Variants in THRB observed in about 807,000 individuals in gnomAD.
The protein encoded by THRB is thyroid hormone receptor beta.
THRB carries 12 observed loss-of-function variants against 47.8 expected under a neutral mutation model. The ratio of observed to expected loss-of-function variants is 0.25; its 90% CI spans 0.16 to 0.41. The LOEUF is 0.41. Among genes scored for constraint, THRB ranks in the 10% least tolerant of loss-of-function variants. The pLI, the probability that THRB is intolerant of heterozygous loss-of-function variation, is 1.00. For missense variants in THRB, 348 were observed against 589.2 expected (o/e 0.59, Z 4.24); for synonymous variants, 218 against 212.2 (o/e 1.03, Z -0.24).
intron 5 of THRB, among the ~76,000 whole-genome samples, chr3:24,180,234 A>C (rs1013286638): frequency 1.3e-5 from 2 of 152,236 alleles, no homozygotes; most frequent in African/African-American, 4.8e-5. Context: ...CCTGAGGCTT[A>C]ACTAAAATAG....
chr3:24,473,823 C>G (rs925426149), intron 1 of THRB, among the ~76,000 whole-genome samples: 2 of 152,150 alleles, frequency 1.3e-5, no homozygotes, highest in Non-Finnish European at 2.9e-5. Context: ...TCATTATCAG[C>G]AAACTATCAC....
chr3:24,469,795 G>A (rs1267735391), intron 1 of THRB, among the ~76,000 whole-genome samples: 1 of 152,196 alleles, frequency 6.6e-6, no homozygotes, highest in African/African-American at 2.4e-5. Context: ...GTAAAGAATG[G>A]AAAACCGTTT....
intron 1 of THRB, among the ~76,000 whole-genome samples, chr3:24,374,789 G>A (rs2065157604): frequency 6.6e-6 from 1 of 152,052 alleles, no homozygotes; most frequent in Admixed American, 6.6e-5. Context: ...GAAAATGCTT[G>A]AATCATGTTG....
At chr3:24,464,919 T>C (rs968469915) in intron 1 of THRB, among the ~76,000 whole-genome samples, 4 of 152,208 alleles carry the variant, frequency 2.6e-5, no homozygotes, top group Admixed American at 2.6e-4. Context: ...TTAAGTTCTG[T>C]ATTTTTTTAA....
chr3:24,351,749 G>A (rs1296196448), intron 1 of THRB, among the ~76,000 whole-genome samples: 2 of 152,156 alleles, frequency 1.3e-5, no homozygotes, highest in African/African-American at 2.4e-5. Flanking sequence ...GGAATGAGAA[G>A]CTTAACACCT....
chr3:24,230,105 GAAA>G (rs1009026788), intron 3 of THRB, among the ~76,000 whole-genome samples: 1 of 152,160 alleles, frequency 6.6e-6, no homozygotes, highest in African/African-American at 2.4e-5. Flanking sequence ...GGTTGGAGAA[GAAA>G]AAGAACGAGG....
chr3:24,392,728 CATAGTT>C (rs947780593), intron 1 of THRB, among the ~76,000 whole-genome samples: 6 of 152,084 alleles, frequency 3.9e-5, no homozygotes, highest in African/African-American at 1.4e-4. Flanking sequence ...TTAGTCTTTA[CATAGTT>C]ATAGTTATAT....
chr3:24,132,724 G>A (rs1313218228), intron 9 of THRB, among the ~76,000 whole-genome samples: 1 of 152,242 alleles, frequency 6.6e-6, no homozygotes, highest in Non-Finnish European at 1.5e-5. Context: ...ACAAGCAAGA[G>A]TGAGCTTATA....
At chr3:24,279,762 T>C (rs985638269) in intron 3 of THRB, among the ~76,000 whole-genome samples, 3 of 152,102 alleles carry the variant, frequency 2.0e-5, no homozygotes, top group African/African-American at 7.2e-5. Context: ...TCACATTGCC[T>C]TGTAAGACAG....
intron 4 of THRB, among the ~76,000 whole-genome samples, chr3:24,211,678 C>G (rs2046039769): frequency 6.6e-6 from 1 of 152,170 alleles, no homozygotes; most frequent in Non-Finnish European, 1.5e-5. Context: ...AGATTGTATT[C>G]TTTTTGCCAG....
At chr3:24,310,638 C>G (rs754711036) in intron 2 of THRB, among the ~76,000 whole-genome samples, 9 of 152,174 alleles carry the variant, frequency 5.9e-5, no homozygotes, top group Non-Finnish European at 1.2e-4. Flanking sequence ...CATTTTGGGA[C>G]TCACTGCTCT....
chr3:24,395,810 A>G (rs2066917188), intron 1 of THRB, among the ~76,000 whole-genome samples: 2 of 152,292 alleles, frequency 1.3e-5, no homozygotes, highest in African/African-American at 4.8e-5. Flanking sequence ...AAACTTGTAC[A>G]TGAATGTTTA....
chr3:24,148,335 C>T (rs2036410281), intron 6 of THRB, among the ~76,000 whole-genome samples: 1 of 152,202 alleles, frequency 6.6e-6, no homozygotes, highest in South Asian at 2.1e-4. Context: ...CCATGTTGGC[C>T]AGGCTGGTCT....
At chr3:24,420,926 T>C (rs958967398) in intron 1 of THRB, among the ~76,000 whole-genome samples, 1 of 151,718 alleles carries the variant, frequency 6.6e-6, no homozygotes, top group East Asian at 2.0e-4. Context: ...CTATTCACAA[T>C]AGCAAAGACA....
chr3:24,407,964 ATGAGGTC>A (rs1334477735), intron 1 of THRB, among the ~76,000 whole-genome samples: 2 of 151,930 alleles, frequency 1.3e-5, no homozygotes, highest in African/African-American at 4.8e-5. Flanking sequence ...ATTCGTATGA[ATGAGGTC>A]CATCTTTAAA....
At chr3:24,477,265 C>A (rs1167030485) in intron 1 of THRB, among the ~76,000 whole-genome samples, 1 of 152,118 alleles carries the variant, frequency 6.6e-6, no homozygotes, top group Non-Finnish European at 1.5e-5. Flanking sequence ...GCAGGTAAGT[C>A]TGTAAAACAA....
At chr3:24,385,067 A>C (rs538218233) in intron 1 of THRB, among the ~76,000 whole-genome samples, 1 of 152,158 alleles carries the variant, frequency 6.6e-6, no homozygotes, top group Non-Finnish European at 1.5e-5. Flanking sequence ...GCATTGAAGA[A>C]AGTATTTTTA....
At chr3:24,393,020 A>T (rs1295938874) in intron 1 of THRB, among the ~76,000 whole-genome samples, 5 of 152,124 alleles carry the variant, frequency 3.3e-5, no homozygotes, top group Non-Finnish European at 7.4e-5. Flanking sequence ...TAGTTTTCAA[A>T]TGTGTTGTTC....
intron 8 of THRB, among the ~76,000 whole-genome samples, chr3:24,136,686 C>T (rs2034723787): frequency 6.6e-6 from 1 of 152,194 alleles, no homozygotes; most frequent in Non-Finnish European, 1.5e-5. Flanking sequence ...AAGTCTCTAG[C>T]TTGCTTGTAG....
Sources: allele counts gnomAD v4.1 joint callset (sites outside exome capture counted in the v4.1 genomes callset), GRCh38; gene constraint gnomAD v4.1.1; transcripts MANE v1.5; gene names NCBI Gene and HGNC (gene_info 2026-07-23, HGNC 2026-07-21).